TRPM3: variants seen among roughly 807,000 people sequenced by gnomAD.
TRPM3 encodes the protein transient receptor potential cation channel subfamily M member 3, also known as long transient receptor potential channel 3.
Under a neutral mutation model 181.2 loss-of-function variants are expected in TRPM3, and 77 were observed. The ratio of observed to expected loss-of-function variants is 0.42; its 90% CI spans 0.35 to 0.51. The LOEUF is 0.51. Among genes scored for constraint, TRPM3 ranks in the 20% least tolerant of loss-of-function variants. The pLI is 0.01. For synonymous variants in TRPM3, 745 were observed against 796.4 expected, an observed-to-expected ratio of 0.94 and a Z score of 1.09; for missense variants, 1,759 against 2,196.7, an observed-to-expected ratio of 0.80 and a Z score of 3.98.
chr9:71,334,516 C>T (rs930317209), intron 1 of TRPM3, among the ~76,000 whole-genome samples: 4 of 147,798 alleles, frequency 2.7e-5, no homozygotes, highest in Admixed American at 6.7e-5. Flanking sequence ...TGCTCTATTA[C>T]AGATGATGGC....
At chr9:71,320,415 C>G (rs1179321220) in intron 1 of TRPM3, among the ~76,000 whole-genome samples, 1 of 151,760 alleles carries the variant, frequency 6.6e-6, no homozygotes, top group African/African-American at 2.4e-5. Context: ...AAGGACTAGA[C>G]CAACATAGGT....
At chr9:71,350,978 T>C (rs983052741) in intron 1 of TRPM3, among the ~76,000 whole-genome samples, 8 of 152,176 alleles carry the variant, frequency 5.3e-5, no homozygotes, top group African/African-American at 1.9e-4. Flanking sequence ...TCTAAAACTT[T>C]CTGGAAATTA....
Position 70,953,088 on chromosome 9 carries a change from A to G in TRPM3, c.178-88577T>C, listed in dbSNP as rs191732189. Among the ~76,000 whole-genome samples, 301 of 152,326 alleles carry G rather than the reference A, an allele frequency of 2.0e-3. 4 individuals carry two copies. The highest frequency in any genetic ancestry group is 2.8e-4 in the Non-Finnish European group (19 of 68,022). ...ACACCACTGGGATCCAACATGCTTC[A>G]TGCTTCATTGCTACTCAACAGAACT... On this transcript the variant is annotated intron_variant, in intron 1 of 25. Coordinates refer to ENST00000677713, the MANE Select transcript of TRPM3 (RefSeq NM_001366145.2).
chr9:70,788,006 CTTT>C (rs557213258), intron 6 of TRPM3, among the ~76,000 whole-genome samples: 13 of 129,342 alleles, frequency 1.0e-4, no homozygotes, highest in African/African-American at 2.9e-4. Flanking sequence ...ACTATCCTGA[CTTT>C]TTTTTTTTTT....
upstream of TRPM3, among the ~76,000 whole-genome samples, chr9:71,123,877 C>A (rs954168821): frequency 1.3e-5 from 2 of 152,124 alleles, no homozygotes; most frequent in East Asian, 3.9e-4. Context: ...TTGCCTACCC[C>A]CTGCCCTGCA....
chr9:71,168,554 T>G (rs1310309084), intron 1 of TRPM3, among the ~76,000 whole-genome samples: 2 of 108,704 alleles, frequency 1.8e-5, no homozygotes, highest in East Asian at 4.5e-4. Flanking sequence ...ATTTATTTAT[T>G]TATTTATTTA....
chr9:71,029,682 T>C (rs1444969453), intron 1 of TRPM3, among the ~76,000 whole-genome samples: 3 of 152,190 alleles, frequency 2.0e-5, no homozygotes, highest in Non-Finnish European at 4.4e-5. Context: ...TCAGGCATTA[T>C]AAAATCTTTA....
At chr9:70,837,829 T>C (rs2094419021) in intron 5 of TRPM3, among the ~76,000 whole-genome samples, 1 of 152,162 alleles carries the variant, frequency 6.6e-6, no homozygotes, top group African/African-American at 2.4e-5. Context: ...TATGTGCCAA[T>C]ATCTCAACCA....
intron 3 of TRPM3, among the ~76,000 whole-genome samples, chr9:70,857,004 G>A (rs1307164582): frequency 6.6e-6 from 1 of 152,188 alleles, no homozygotes; most frequent in African/African-American, 2.4e-5. Flanking sequence ...GAGTCTTTGA[G>A]ACATGATACT....
At chr9:70,694,698 T>A (rs190440933) in intron 8 of TRPM3, among the ~76,000 whole-genome samples, 1,803 of 152,300 alleles carry the variant, frequency 0.012, 25 homozygotes, top group Non-Finnish European at 0.019. Flanking sequence ...GCCCGGATGG[T>A]CTCAATCTCC....
chr9:70,813,411 A>G (rs1363169515), intron 6 of TRPM3, among the ~76,000 whole-genome samples: 1 of 152,218 alleles, frequency 6.6e-6, no homozygotes, highest in Non-Finnish European at 1.5e-5. Flanking sequence ...GCAAATTAAC[A>G]TAAAAACAGA....
At chr9:71,166,777 T>C (rs1488578954) in intron 1 of TRPM3, among the ~76,000 whole-genome samples, 1 of 152,240 alleles carries the variant, frequency 6.6e-6, no homozygotes, top group East Asian at 1.9e-4. Context: ...AAATACATTA[T>C]ATCTTTGATT....
At chr9:70,588,262 A>G (rs2057493306) in intron 22 of TRPM3, among the ~76,000 whole-genome samples, 1 of 152,180 alleles carries the variant, frequency 6.6e-6, no homozygotes. Flanking sequence ...ATAACAGAAG[A>G]AAAGGTGGAA....
At chr9:70,810,570 C>T (rs2091842014) in intron 6 of TRPM3, among the ~76,000 whole-genome samples, 1 of 152,120 alleles carries the variant, frequency 6.6e-6, no homozygotes, top group African/African-American at 2.4e-5. Context: ...CTCATTCCAA[C>T]TGAATCAATG....
chr9:70,794,671 T>C (rs760347837), intron 6 of TRPM3, among the ~76,000 whole-genome samples: 85 of 152,208 alleles, frequency 5.6e-4, no homozygotes, highest in Non-Finnish European at 1.1e-3. Context: ...GATTGTCTTT[T>C]TCCCCATGTG....
intron 1 of TRPM3, among the ~76,000 whole-genome samples, chr9:71,432,323 CTTTT>C (rs67905820): frequency 2.1e-4 from 16 of 76,650 alleles, no homozygotes; most frequent in African/African-American, 7.2e-4. Context: ...AAAAGTAGGA[CTTTT>C]TTTTTTTTTT....
At chr9:71,135,175 G>A (rs545485183) in intron 1 of TRPM3, among the ~76,000 whole-genome samples, 1 of 152,218 alleles carries the variant, frequency 6.6e-6, no homozygotes, top group East Asian at 1.9e-4. Flanking sequence ...ATCTTCCATT[G>A]GTATCTTATC....
At chr9:70,952,790 T>C (rs1164229889) in intron 1 of TRPM3, among the ~76,000 whole-genome samples, 1 of 152,148 alleles carries the variant, frequency 6.6e-6, no homozygotes, top group East Asian at 1.9e-4. Flanking sequence ...TAGGAACCAG[T>C]TGCTGAAGGG....
chr9:71,229,028 G>A (rs2080876909), intron 1 of TRPM3, among the ~76,000 whole-genome samples: 1 of 152,050 alleles, frequency 6.6e-6, no homozygotes, highest in African/African-American at 2.4e-5. Context: ...CAAGCAAAAA[G>A]AACAAAACTG....
Sources: gnomAD v4.1 joint callset for allele counts (sites outside exome capture counted in the v4.1 genomes callset) on GRCh38, gnomAD v4.1.1 for gene constraint, MANE v1.5 for transcripts, NCBI Gene and HGNC (gene_info 2026-07-23, HGNC 2026-07-21) for gene names.